The following ADCY2 variants were observed in gnomAD, a reference collection of about 807,000 sequenced individuals.
The protein encoded by ADCY2 is adenylate cyclase 2.
Under a neutral mutation model 125.2 loss-of-function variants are expected in ADCY2, and 31 were observed. The observed-to-expected ratio is 0.25, with a 90% CI of 0.19 to 0.33. The LOEUF is 0.33. Ranked by LOEUF, ADCY2 falls within the 10% of genes least tolerant of loss-of-function variation. The pLI, the probability that ADCY2 is intolerant of heterozygous loss-of-function variation, is 1.00. For synonymous variants in ADCY2, 512 were observed against 548.4 expected (o/e 0.93, Z 0.93); for missense variants, 904 against 1,418.2 (o/e 0.64, Z 5.82).
intron 2 of ADCY2, among the ~76,000 whole-genome samples, chr5:7,464,015 A>AT (rs1436780076): frequency 6.6e-6 from 1 of 152,162 alleles, no homozygotes; most frequent in Admixed American, 6.5e-5. Context: ...GCCACTGGAG[A>AT]TTTTGAATAG....
chr5:7,574,458 G>A (rs1368732517), intron 3 of ADCY2, among the ~76,000 whole-genome samples: 1 of 152,116 alleles, frequency 6.6e-6, no homozygotes, highest in Non-Finnish European at 1.5e-5. Context: ...CCTACAACAA[G>A]GTAATGGGGC....
chr5:7,501,038 T>C (rs1262587656), intron 2 of ADCY2, among the ~76,000 whole-genome samples: 1 of 152,062 alleles, frequency 6.6e-6, no homozygotes, highest in Non-Finnish European at 1.5e-5. Flanking sequence ...GCAGGGTTTC[T>C]GAAAACGTCT....
chr5:7,558,039 T>G (rs983772768), intron 3 of ADCY2, among the ~76,000 whole-genome samples: 4 of 149,954 alleles, frequency 2.7e-5, no homozygotes, highest in Non-Finnish European at 6.0e-5. Context: ...TGTTTTGTTT[T>G]GTTTTGTTTT....
chr5:7,718,129 T>C (rs1452910551), intron 12 of ADCY2, among the ~76,000 whole-genome samples: 3 of 150,740 alleles, frequency 2.0e-5, no homozygotes, highest in Non-Finnish European at 4.4e-5. Context: ...CTTTGCAAAA[T>C]GCATGCCTGT....
At chr5:7,774,631 G>A (rs954196850) in intron 18 of ADCY2, among the ~76,000 whole-genome samples, 1 of 152,180 alleles carries the variant, frequency 6.6e-6, no homozygotes, top group Non-Finnish European at 1.5e-5. Context: ...AACCCTAGCA[G>A]CAGGAGACTA....
At chr5:7,696,691 C>A (rs1365056547) in intron 6 of ADCY2, among the ~76,000 whole-genome samples, 1 of 152,170 alleles carries the variant, frequency 6.6e-6, no homozygotes, top group Non-Finnish European at 1.5e-5. Flanking sequence ...TGATTTAGAT[C>A]ACTTTTAAAC....
chr5:7,571,402 C>A (rs770543538), intron 3 of ADCY2, among the ~76,000 whole-genome samples: 2 of 152,086 alleles, frequency 1.3e-5, no homozygotes, highest in African/African-American at 2.4e-5. Context: ...GAAGGGAGAA[C>A]GAATTTGCCC....
intron 4 of ADCY2, among the ~76,000 whole-genome samples, chr5:7,640,118 A>G (rs1738643881): frequency 6.6e-6 from 1 of 152,226 alleles, no homozygotes. Flanking sequence ...AGTTTGCAGG[A>G]TAATGAATCT....
intron 3 of ADCY2, among the ~76,000 whole-genome samples, chr5:7,528,489 G>A (rs1183749560): frequency 6.6e-6 from 1 of 152,172 alleles, no homozygotes; most frequent in Non-Finnish European, 1.5e-5. Flanking sequence ...TGGGAGAACA[G>A]AGGTACAGGG....
In ADCY2 at chr5:7,829,533, C is replaced by G. The variant is rs932691995; in HGVS notation, c.*2662C>G. The G allele has an allele frequency of 7.0e-6, 1 of 142,590 alleles. No individual in the cohort carries two copies. Among genetic ancestry groups the G allele is most frequent in the African/African-American group, 2.7e-5 (1 of 37,060 alleles). 8.8% of individuals were successfully genotyped at this position (142,590 alleles called of 1,614,324 possible). On this transcript the variant is annotated 3_prime_UTR_variant, in exon 25 of 25. Transcript: ENST00000338316. Reference sequence around the variant, plus strand: ...AGTGCACCTCTCATCAGCCCAGGTCCCAGTGCCATTGGCTTCAAGAAAAAA... The same window carrying G: ...AGTGCACCTCTCATCAGCCCAGGTCGCAGTGCCATTGGCTTCAAGAAAAAA...
intron 3 of ADCY2, among the ~76,000 whole-genome samples, chr5:7,603,784 C>CTTTTTTTTTTT: frequency 1.6e-3 from 98 of 62,784 alleles, no homozygotes; most frequent in East Asian, 3.0e-3. Flanking sequence ...TGCTCTCTTT[C>CTTTTTTTTTTT]TTTTTTTTTT....
At chr5:7,484,525 T>A (rs370470318) in intron 2 of ADCY2, among the ~76,000 whole-genome samples, 2 of 152,310 alleles carry the variant, frequency 1.3e-5, no homozygotes, top group African/African-American at 4.8e-5. Flanking sequence ...CAAAGGACAA[T>A]TCCACGTCTT....
chr5:7,711,775 C>T (rs563995094), intron 10 of ADCY2, among the ~76,000 whole-genome samples: 107 of 152,234 alleles, frequency 7.0e-4, no homozygotes, highest in Non-Finnish European at 9.0e-4. Context: ...TTTTCTTAAC[C>T]GTCTGGTCCC....
rs568675939 is a variant in ADCY2 at position 7,470,665 on chromosome 5, T to C, written c.409-50073T>C. On this transcript the variant is annotated intron_variant, in intron 2 of 24. Transcript: ENST00000338316. Reference sequence around the variant, plus strand: ...GTGTGTGTGTGTGTGTGTTTACAAATATATACATTTTAATGGCCCAGAACA... The same window carrying C: ...GTGTGTGTGTGTGTGTGTTTACAAACATATACATTTTAATGGCCCAGAACA... Among the ~76,000 whole-genome samples the C allele has an allele frequency of 4.6e-5, 7 of 150,854 alleles. No individual in the cohort carries two copies. In the South Asian group the frequency reaches 1.5e-3, roughly 31 times the overall value.
intron 2 of ADCY2, among the ~76,000 whole-genome samples, chr5:7,472,956 C>T (rs1330182082): frequency 2.0e-5 from 3 of 151,968 alleles, no homozygotes; most frequent in African/African-American, 7.2e-5. Flanking sequence ...CTACTTGTTA[C>T]TCAGACTTGC....
intron 2 of ADCY2, among the ~76,000 whole-genome samples, chr5:7,449,673 C>T (rs1741401114): frequency 6.6e-6 from 1 of 152,214 alleles, no homozygotes; most frequent in African/African-American, 2.4e-5. Flanking sequence ...ACTCCATATA[C>T]AGTATAGGCA....
At chr5:7,482,855 A>T (rs1446974287) in intron 2 of ADCY2, among the ~76,000 whole-genome samples, 1 of 151,154 alleles carries the variant, frequency 6.6e-6, no homozygotes, top group East Asian at 1.9e-4. Context: ...AAAGATAATT[A>T]AATCCTCTCA....
chr5:7,740,230 G>T (rs1249531726), intron 14 of ADCY2, among the ~76,000 whole-genome samples: 1 of 151,774 alleles, frequency 6.6e-6, no homozygotes, highest in Non-Finnish European at 1.5e-5. Context: ...TGACAATAAA[G>T]AATTCAAATG....
At chr5:7,418,006 C>T (rs62341460) in intron 2 of ADCY2, among the ~76,000 whole-genome samples, 9,158 of 152,084 alleles carry the variant, frequency 0.06, 398 homozygotes, top group Middle Eastern at 0.14. Context: ...TGTTTTATAA[C>T]ATGTATTTTG....
Sources: gnomAD v4.1 joint callset for allele counts (sites outside exome capture counted in the v4.1 genomes callset) on GRCh38, gnomAD v4.1.1 for gene constraint, MANE v1.5 for transcripts, NCBI Gene and HGNC (gene_info 2026-07-23, HGNC 2026-07-21) for gene names.